ZNF277: variants seen among roughly 807,000 people sequenced by gnomAD.
The protein encoded by ZNF277 is nuclear receptor-interacting factor 4.
A neutral mutation model predicts 60.7 loss-of-function variants in ZNF277; 55 were observed. The observed-to-expected ratio is 0.91, with a 90% CI of 0.73 to 1.13. The LOEUF (loss-of-function observed/expected upper bound fraction) is 1.13. Ranked by LOEUF, ZNF277 falls within the 50% of genes most tolerant of loss-of-function variation. The probability of loss-of-function intolerance (pLI) is 0.00; values close to 1 mark genes in which losing one functional copy is unlikely to be tolerated. For missense variants in ZNF277, 510 were observed against 523.0 expected (o/e 0.98, Z 0.24); for synonymous variants, 178 against 179.3 (o/e 0.99, Z 0.06).
intron 1 of ZNF277, among the ~76,000 whole-genome samples, chr7:112,269,368 T>C (rs983134910): frequency 6.6e-6 from 1 of 152,142 alleles, no homozygotes; most frequent in African/African-American, 2.4e-5. Context: ...TTTATCTCAC[T>C]GTATGGCATT....
At chr7:112,277,076 GA>G (rs1279642842) in intron 1 of ZNF277, among the ~76,000 whole-genome samples, 1 of 119,562 alleles carries the variant, frequency 8.4e-6, no homozygotes, top group Non-Finnish European at 1.6e-5. Context: ...AGAATCTGTT[GA>G]TTTTTTTTTT....
intron 5 of ZNF277, among the ~76,000 whole-genome samples, chr7:112,323,469 A>G (rs1042196847): frequency 6.6e-6 from 1 of 152,214 alleles, no homozygotes; most frequent in Non-Finnish European, 1.5e-5. Flanking sequence ...ATCACCTGCC[A>G]TACAGGCTGA....
chr7:112,307,569 C>T (rs997258754), intron 4 of ZNF277, among the ~76,000 whole-genome samples: 1 of 151,880 alleles, frequency 6.6e-6, no homozygotes, highest in African/African-American at 2.4e-5. Flanking sequence ...CGTGCACCAG[C>T]ATGCCTGGCT....
At chr7:112,311,940 G>T (rs916771668) in intron 4 of ZNF277, among the ~76,000 whole-genome samples, 1 of 152,046 alleles carries the variant, frequency 6.6e-6, no homozygotes, top group Non-Finnish European at 1.5e-5. Context: ...AGGTGCTAGG[G>T]CATAGTGATA....
intron 1 of ZNF277, among the ~76,000 whole-genome samples, chr7:112,213,430 G>C (rs1226411706): frequency 2.0e-5 from 3 of 152,080 alleles, no homozygotes; most frequent in African/African-American, 7.2e-5. Context: ...CAAATCAATG[G>C]GACCCAACTT....
At chr7:112,220,865 A>T (rs1019516839) in intron 1 of ZNF277, among the ~76,000 whole-genome samples, 1 of 152,120 alleles carries the variant, frequency 6.6e-6, no homozygotes, top group Non-Finnish European at 1.5e-5. Context: ...GGGAGGGACA[A>T]TTGTCAGGAT....
intron 1 of ZNF277, among the ~76,000 whole-genome samples, chr7:112,243,413 A>T (rs1038115209): frequency 6.6e-6 from 1 of 151,892 alleles, no homozygotes; most frequent in Non-Finnish European, 1.5e-5. Flanking sequence ...ATAGGAGAAA[A>T]TACTTGCAAA....
intron 1 of ZNF277, among the ~76,000 whole-genome samples, chr7:112,231,248 T>A (rs2116977850): frequency 6.6e-6 from 1 of 151,654 alleles, no homozygotes; most frequent in African/African-American, 2.4e-5. Flanking sequence ...TTGTGTATGA[T>A]GTGTGTGTGT....
intron 4 of ZNF277, among the ~76,000 whole-genome samples, chr7:112,313,922 TGTA>T: frequency 6.6e-6 from 1 of 152,262 alleles, no homozygotes; most frequent in Non-Finnish European, 1.5e-5. Flanking sequence ...CGGGTATAAA[TGTA>T]GTCATCATGT....
At chr7:112,216,077 G>T (rs1007294552) in intron 1 of ZNF277, among the ~76,000 whole-genome samples, 1 of 152,196 alleles carries the variant, frequency 6.6e-6, no homozygotes, top group African/African-American at 2.4e-5. Flanking sequence ...AGAAGGGAAG[G>T]AAAGGAAGGT....
chr7:112,249,367 A>G (rs1442376958), intron 1 of ZNF277, among the ~76,000 whole-genome samples: 1 of 152,136 alleles, frequency 6.6e-6, no homozygotes, highest in Non-Finnish European at 1.5e-5. Flanking sequence ...TCCCTCTTAA[A>G]CTGTTAGTAG....
chr7:112,333,434 C>T (rs1189326341), intron 7 of ZNF277, among the ~76,000 whole-genome samples: 1 of 152,128 alleles, frequency 6.6e-6, no homozygotes, highest in Non-Finnish European at 1.5e-5. Context: ...TTAGTTTGAA[C>T]CCTTTGTAAT....
At chr7:112,303,448 T>C (rs1279291432) in intron 4 of ZNF277, among the ~76,000 whole-genome samples, 1 of 152,144 alleles carries the variant, frequency 6.6e-6, no homozygotes, top group Admixed American at 6.5e-5. Flanking sequence ...TCTTGTATTT[T>C]CTTTTAAAAC....
intron 10 of ZNF277, among the ~76,000 whole-genome samples, 185 bp from the exon 11 acceptor site, chr7:112,340,687 G>A (rs887274756): frequency 6.6e-5 from 10 of 152,140 alleles, no homozygotes; most frequent in Admixed American, 2.6e-4. Context: ...TATTAGAATA[G>A]TGCCTAGCTC....
At chr7:112,314,692 A>T (rs1420697935) in intron 4 of ZNF277, among the ~76,000 whole-genome samples, 1 of 152,064 alleles carries the variant, frequency 6.6e-6, no homozygotes, top group Non-Finnish European at 1.5e-5. Context: ...GCTACTTGGG[A>T]TGCTGAGGTG....
intron 1 of ZNF277, among the ~76,000 whole-genome samples, chr7:112,212,584 A>G (rs1821779183): frequency 6.6e-6 from 1 of 152,258 alleles, no homozygotes; most frequent in Non-Finnish European, 1.5e-5. Flanking sequence ...TTATAAAGAT[A>G]GGCCCAATTA....
At chr7:112,266,475 A>T (rs2117031965) in intron 1 of ZNF277, among the ~76,000 whole-genome samples, 1 of 152,204 alleles carries the variant, frequency 6.6e-6, no homozygotes, top group South Asian at 2.1e-4. Flanking sequence ...ATTGCTATAT[A>T]GTTACTGTCT....
At chr7:112,230,732 GC>G (rs1250110956) in intron 1 of ZNF277, among the ~76,000 whole-genome samples, 9 of 152,218 alleles carry the variant, frequency 5.9e-5, no homozygotes, top group Middle Eastern at 3.4e-3. Context: ...ACAGCTCATA[GC>G]TTTTCCATAA....
At chr7:112,271,944 A>G (rs1055613649) in intron 1 of ZNF277, among the ~76,000 whole-genome samples, 1 of 152,194 alleles carries the variant, frequency 6.6e-6, no homozygotes, top group Non-Finnish European at 1.5e-5. Context: ...TTGTCTTACA[A>G]ACATTCTAAT....
Sources: gnomAD v4.1 joint callset for allele counts (sites outside exome capture counted in the v4.1 genomes callset) on GRCh38, gnomAD v4.1.1 for gene constraint, MANE v1.5 for transcripts, NCBI Gene and HGNC (gene_info 2026-07-23, HGNC 2026-07-21) for gene names.